The following SYNPR variants were observed in gnomAD, a reference collection of about 807,000 sequenced individuals.
SYNPR encodes synaptoporin.
In SYNPR, 23 loss-of-function variants were observed where a neutral mutation model predicts 32.9. That is an observed-to-expected ratio of 0.70 (90% CI 0.50 to 0.99). The LOEUF is 0.99. SYNPR is among the 50% of genes least tolerant of loss of function. SYNPR has a pLI of 0.00. For synonymous variants in SYNPR, 146 were observed against 135.9 expected (o/e 1.07, Z -0.52); for missense variants, 318 against 349.3 (o/e 0.91, Z 0.71).
chr3:63,229,567 G>C (rs1239715547), intron 1 of SYNPR, among the ~76,000 whole-genome samples: 1 of 152,102 alleles, frequency 6.6e-6, no homozygotes, highest in Non-Finnish European at 1.5e-5. Context: ...TGTAAACTGT[G>C]TTAATAGCTG....
At chr3:63,412,355 C>A (rs77099985) in intron 2 of SYNPR, among the ~76,000 whole-genome samples, 4 of 152,120 alleles carry the variant, frequency 2.6e-5, no homozygotes, top group Non-Finnish European at 5.9e-5. Context: ...CAGGATTCTG[C>A]TGAAGCTAGA....
chr3:63,239,557 A>C (rs371061398), intron 1 of SYNPR, among the ~76,000 whole-genome samples: 66 of 86,416 alleles, frequency 7.6e-4, no homozygotes, highest in South Asian at 1.3e-3. Context: ...CATTGTCACC[A>C]ATCCTACCGT....
chr3:63,312,772 C>T (rs1374452366), intron 2 of SYNPR, among the ~76,000 whole-genome samples: 1 of 152,030 alleles, frequency 6.6e-6, no homozygotes, highest in Admixed American at 6.6e-5. Context: ...AAAGCTTGCT[C>T]CATACCAGGG....
At chr3:63,539,455 T>TA (rs1457910588) in intron 3 of SYNPR, among the ~76,000 whole-genome samples, 11 of 152,088 alleles carry the variant, frequency 7.2e-5, no homozygotes, top group African/African-American at 2.7e-4. Context: ...TTCTCTGGTA[T>TA]CTAAATACTA....
At chr3:63,499,774 G>A (rs1701443054) in intron 3 of SYNPR, among the ~76,000 whole-genome samples, 1 of 151,868 alleles carries the variant, frequency 6.6e-6, no homozygotes, top group African/African-American at 2.4e-5. Flanking sequence ...TAACCTAAAT[G>A]GGTCTCTGTT....
intron 3 of SYNPR, among the ~76,000 whole-genome samples, chr3:63,551,151 A>G (rs1021924075): frequency 1.3e-5 from 2 of 152,252 alleles, no homozygotes; most frequent in African/African-American, 2.4e-5. Flanking sequence ...TAAACACTTT[A>G]TAGAAATGGA....
At chr3:63,558,433 G>C (rs903865362) in intron 4 of SYNPR, among the ~76,000 whole-genome samples, 64 of 152,098 alleles carry the variant, frequency 4.2e-4, no homozygotes, top group African/African-American at 1.5e-3. Flanking sequence ...CCTAGGCTCA[G>C]ATGATCCTCC....
intron 2 of SYNPR, among the ~76,000 whole-genome samples, chr3:63,433,478 T>G (rs1203855552): frequency 6.6e-6 from 1 of 152,218 alleles, no homozygotes; most frequent in African/African-American, 2.4e-5. Context: ...CATTTTGGAC[T>G]GTTCTAAACA....
At position 63,496,599 on chromosome 3, in the gene SYNPR, A is replaced by G. The variant is rs576800668; in HGVS notation, c.209+15643A>G. On this transcript the variant is annotated intron_variant, in intron 3 of 5. Transcript: ENST00000478300. ...TCTCCAAAAGACAATTTATATGCCT[A>G]TCAGGAAGATATGAAAGTGCCTGTT... is the stretch of plus-strand genomic sequence containing the variant. 1.5e-3 allele frequency among the ~76,000 whole-genome samples: 228 copies of G among 152,314 alleles called. 1 individual carries two copies. Among genetic ancestry groups the G allele is most frequent in the Non-Finnish European group, 1.0e-3 (71 of 68,024 alleles).
At chr3:63,482,037 T>A (rs1038489895) in intron 3 of SYNPR, among the ~76,000 whole-genome samples, 1 of 152,108 alleles carries the variant, frequency 6.6e-6, no homozygotes, top group Non-Finnish European at 1.5e-5. Flanking sequence ...GGACTCTCAG[T>A]CTTTTCCTCA....
the SYNPR span, chr3:63,203,238 G>C: frequency 6.6e-6 from 1 of 152,114 alleles, no homozygotes; most frequent in Non-Finnish European, 1.5e-5. Flanking sequence ...TAAAGCTCCA[G>C]GTCCATCCCA....
chr3:63,204,861 T>C, the SYNPR span, among the ~76,000 whole-genome samples: 2 of 152,108 alleles, frequency 1.3e-5, no homozygotes, highest in African/African-American at 4.8e-5. Flanking sequence ...CTAATTTTTG[T>C]ATTTTTAGTA....
chr3:63,519,028 T>A (rs1418913684), intron 3 of SYNPR, among the ~76,000 whole-genome samples: 1 of 152,198 alleles, frequency 6.6e-6, no homozygotes, highest in Non-Finnish European at 1.5e-5. Context: ...TCATGCAGTT[T>A]TTGTTTATAG....
At chr3:63,532,120 T>A (rs77468077) in intron 3 of SYNPR, among the ~76,000 whole-genome samples, 3,130 of 152,306 alleles carry the variant, frequency 0.021, 109 homozygotes, top group African/African-American at 0.071. Flanking sequence ...AAACAAAATA[T>A]GAATTTTGTA....
the SYNPR span, among the ~76,000 whole-genome samples, chr3:63,209,205 C>G: frequency 1.3e-5 from 2 of 151,522 alleles, no homozygotes; most frequent in Admixed American, 1.3e-4. Context: ...GTAGTCCCAG[C>G]TGCTCATAAG....
chr3:63,221,407 A>C, the SYNPR span, among the ~76,000 whole-genome samples: 1 of 152,162 alleles, frequency 6.6e-6, no homozygotes. Context: ...TTGTTATGGG[A>C]AAACATGTTT....
rs190285540 is a variant in SYNPR, at chr3:63,296,243, A to G, written c.84+17501A>G. On this transcript the variant is annotated intron_variant, in intron 2 of 5. Transcript: ENST00000478300. ...CACTTTTCTTAAGAAAAAAGAAACA[A>G]GGATTTTAGTGCTAATAGTATGAAG... Among the ~76,000 whole-genome samples the G allele has an allele frequency of 3.9e-5, 6 of 152,262 alleles. No homozygotes were observed. The East Asian group carries it at 1.2e-3, about 29-fold the overall frequency.
intron 2 of SYNPR, among the ~76,000 whole-genome samples, chr3:63,448,161 G>A (rs1173196786): frequency 6.6e-6 from 1 of 152,092 alleles, no homozygotes; most frequent in African/African-American, 2.4e-5. Flanking sequence ...GTGCCACCAT[G>A]CTCAGCTAAT....
chr3:63,517,999 A>G (rs1049059482), intron 3 of SYNPR, among the ~76,000 whole-genome samples: 1 of 152,228 alleles, frequency 6.6e-6, no homozygotes, highest in African/African-American at 2.4e-5. Flanking sequence ...AGAAGGCAAC[A>G]AACACCATGA....
Sources: gnomAD v4.1 joint callset for allele counts (sites outside exome capture counted in the v4.1 genomes callset) on GRCh38, gnomAD v4.1.1 for gene constraint, MANE v1.5 for transcripts, NCBI Gene and HGNC (gene_info 2026-07-23, HGNC 2026-07-21) for gene names.